The following NUDC variants were observed in gnomAD, a reference collection of about 807,000 sequenced individuals.
NUDC encodes nuclear migration protein nudC.
A neutral mutation model predicts 45.0 loss-of-function variants in NUDC; 14 were observed. That is an observed-to-expected ratio of 0.31 (90% CI 0.21 to 0.49). The LOEUF is 0.49. Among genes scored for constraint, NUDC ranks in the 20% least tolerant of loss-of-function variants. The pLI is 0.99. For missense variants in NUDC, 323 were observed against 426.2 expected (o/e 0.76, Z 2.13); for synonymous variants, 153 against 156.7 (o/e 0.98, Z 0.17).
chr1:26,941,916 A>G (rs1338991479), intron 4 of NUDC, 98 bp downstream of exon 4: 2 of 1,130,724 alleles, frequency 1.8e-6, no homozygotes, highest in Non-Finnish European at 2.6e-6. Flanking sequence ...TCCTTATCCT[A>G]TCCCCTCCCC....
intron 2 of NUDC, among the ~76,000 whole-genome samples, chr1:26,903,228 A>C (rs1203495763): frequency 2.6e-5 from 4 of 152,148 alleles, no homozygotes; most frequent in Admixed American, 2.6e-4. Context: ...ATTTATGCAA[A>C]GTTCCAAAAA....
At chr1:26,905,157 ATTTT>A (rs71007901) in intron 2 of NUDC, among the ~76,000 whole-genome samples, 1 of 84,298 alleles carries the variant, frequency 1.2e-5, no homozygotes, top group Non-Finnish European at 2.3e-5. Context: ...TATTATTATT[ATTTT>A]TTTTTTTTTT....
intron 2 of NUDC, among the ~76,000 whole-genome samples, chr1:26,925,604 T>C (rs888178604): frequency 2.0e-5 from 3 of 151,772 alleles, no homozygotes; most frequent in African/African-American, 7.3e-5. Context: ...TCCCAGATGC[T>C]GTGACTCAGA....
At chr1:26,928,548 T>C (rs1248750072) in intron 2 of NUDC, among the ~76,000 whole-genome samples, 3 of 152,286 alleles carry the variant, frequency 2.0e-5, no homozygotes, top group African/African-American at 7.2e-5. Flanking sequence ...TAAATAAAAA[T>C]TAGCCAGGCC....
chr1:26,925,240 C>G (rs980759138), intron 2 of NUDC, among the ~76,000 whole-genome samples: 1 of 149,796 alleles, frequency 6.7e-6, no homozygotes, highest in Non-Finnish European at 1.5e-5. Flanking sequence ...GAAACTGATG[C>G]TTAGAAATAA....
At chr1:26,900,504 A>G in intron 1 of NUDC, 1 of 1,398,674 alleles carries the variant, frequency 7.1e-7, no homozygotes. Context: ...GCAACGTTCC[A>G]GCCCCTGCGT....
chr1:26,921,193 G>C (rs991919361), upstream of NUDC, among the ~76,000 whole-genome samples: 1 of 152,120 alleles, frequency 6.6e-6, no homozygotes, highest in East Asian at 1.9e-4. Flanking sequence ...GAAAATGTGG[G>C]TCTCCTTATT....
chr1:26,917,205 C>G (rs144066979), upstream of NUDC, among the ~76,000 whole-genome samples: 64 of 152,084 alleles, frequency 4.2e-4, no homozygotes, highest in East Asian at 0.011. Context: ...TTGCAGGGAG[C>G]CAAGATAGTG....
intron 2 of NUDC, among the ~76,000 whole-genome samples, chr1:26,909,034 G>A (rs1278694486): frequency 2.0e-5 from 3 of 152,050 alleles, no homozygotes; most frequent in African/African-American, 4.8e-5. Flanking sequence ...GAGTGCAGTG[G>A]TGCGATCTCG....
intron 2 of NUDC, among the ~76,000 whole-genome samples, chr1:26,927,599 T>C (rs150578791): frequency 5.5e-4 from 83 of 152,000 alleles, no homozygotes; most frequent in Non-Finnish European, 1.0e-3. Flanking sequence ...GGTTTCACCA[T>C]GTTGGTCAGG....
intron 2 of NUDC, among the ~76,000 whole-genome samples, chr1:26,903,214 TTTTA>T (rs2081987949): frequency 6.6e-6 from 1 of 152,168 alleles, no homozygotes; most frequent in African/African-American, 2.4e-5. Context: ...CACAGAATTG[TTTTA>T]TTTATGCAAA....
At chr1:26,916,914 C>T (rs1570717412), upstream of NUDC, among the ~76,000 whole-genome samples, 1 of 152,262 alleles carries the variant, frequency 6.6e-6, no homozygotes, top group African/African-American at 2.4e-5. Flanking sequence ...GTGATCATGC[C>T]ACTGCACTCT....
At chr1:26,945,502 A>G in intron 7 of NUDC, 29 bp downstream of exon 7, 2 of 1,612,900 alleles carry the variant, frequency 1.2e-6, no homozygotes, top group Non-Finnish European at 1.7e-6. Flanking sequence ...GGGGAGCTTC[A>G]GCAGGAAGGT....
chr1:26,926,485 C>A (rs993549055), intron 2 of NUDC, among the ~76,000 whole-genome samples: 6 of 152,214 alleles, frequency 3.9e-5, no homozygotes, highest in African/African-American at 7.2e-5. Context: ...TTGTCACTAA[C>A]ACCTCTGGCC....
In NUDC at chr1:26,935,555, C is replaced by T. The variant is rs758424094; in HGVS notation, c.160-5902C>T. ...AATCATCAGATCTCATGATAACTCA[C>T]TATCAAGAAAGCAGCATGGGGGTAG... is the stretch of plus-strand genomic sequence containing the variant. On this transcript the variant is annotated intron_variant, in intron 2 of 8. Coordinates refer to ENST00000321265, the MANE Select transcript of NUDC (RefSeq NM_006600.4). Among the ~76,000 whole-genome samples, 5 of 152,120 alleles carry T rather than the reference C, an allele frequency of 3.3e-5. No individual in the cohort carries two copies. The South Asian group carries it at 1.0e-3, about 32-fold the overall frequency.
At position 26,931,114 on chromosome 1, in the gene NUDC, G is replaced by A. The variant is rs199939131; in HGVS notation, c.159+6948G>A. Among the ~76,000 whole-genome samples, 3 of 151,960 alleles carry A rather than the reference G, an allele frequency of 2.0e-5. No homozygotes were observed. In the East Asian group the frequency reaches 5.9e-4, roughly 30 times the overall value. Reference sequence around the variant, plus strand: ...TTTGTTTGAGACGGAGTCTCGCTCTGTTGCCCAGCCTGGAGTGCAGTGGCG... The same window carrying A: ...TTTGTTTGAGACGGAGTCTCGCTCTATTGCCCAGCCTGGAGTGCAGTGGCG... On this transcript the variant is annotated intron_variant, in intron 2 of 8. Coordinates refer to ENST00000321265, the MANE Select transcript of NUDC (RefSeq NM_006600.4).
chr1:26,906,717 C>CG (rs1319905612), intron 2 of NUDC, among the ~76,000 whole-genome samples: 1 of 151,872 alleles, frequency 6.6e-6, no homozygotes, highest in African/African-American at 2.4e-5. Context: ...GGCGTGGTGG[C>CG]GGGCGCCTGT....
chr1:26,916,694 C>G (rs550148241), intron 3 of NUDC, among the ~76,000 whole-genome samples: 96 of 152,224 alleles, frequency 6.3e-4, no homozygotes, highest in Admixed American at 4.1e-3. Context: ...CACGGTGGCT[C>G]ACACCTGTAA....
At chr1:26,914,000 A>G in intron 3 of NUDC, 5 of 1,316,034 alleles carry the variant, frequency 3.8e-6, no homozygotes, top group Non-Finnish European at 4.9e-6. Flanking sequence ...TGTGGGTGCT[A>G]TTTATATTCC....
Sources: allele counts gnomAD v4.1 joint callset (sites outside exome capture counted in the v4.1 genomes callset), GRCh38; gene constraint gnomAD v4.1.1; transcripts MANE v1.5; gene names NCBI Gene and HGNC (gene_info 2026-07-23, HGNC 2026-07-21).